Variants in BAZ1B observed in about 807,000 individuals in gnomAD.
BAZ1B encodes the protein bromodomain adjacent to zinc finger domain 1B.
In BAZ1B, 22 loss-of-function variants were observed where a neutral mutation model predicts 153.8. That is an observed-to-expected ratio of 0.14 (90% CI 0.10 to 0.20). The LOEUF (loss-of-function observed/expected upper bound fraction) is 0.20. Among genes scored for constraint, BAZ1B ranks in the 10% least tolerant of loss-of-function variants. The pLI is 1.00. For missense variants in BAZ1B, 1,325 were observed against 1,799.3 expected, an observed-to-expected ratio of 0.74 and a Z score of 4.77; for synonymous variants, 676 against 633.4, an observed-to-expected ratio of 1.07 and a Z score of -1.01.
intron 4 of BAZ1B, among the ~76,000 whole-genome samples, chr7:73,493,839 C>CAA (rs142781016): frequency 1.2e-3 from 69 of 58,234 alleles, no homozygotes; most frequent in African/African-American, 2.7e-3. Flanking sequence ...ACCCTGTCTC[C>CAA]AAAAAAAAAA....
chr7:73,521,774 C>T lies in BAZ1B; in HGVS notation c.107+53G>A, dbSNP rs1162367053. 9.0e-6 allele frequency: 13 copies of T among 1,437,478 alleles called. No homozygotes were observed. The African/African-American group carries it at 1.8e-4, about 20-fold the overall frequency. 89.0% of individuals were successfully genotyped at this position (1,437,478 alleles called of 1,614,324 possible). ...TGACCTGGTCTCGCGAGCCCCAGGC[C>T]CTACCCCGGCCCAGCCCGGCCCAGC... On this transcript the variant is annotated intron_variant, in intron 1 of 19. Coordinates refer to ENST00000339594, the MANE Select transcript of BAZ1B (RefSeq NM_032408.4).
intron 17 of BAZ1B, 47 bp from the exon 18 acceptor site, chr7:73,442,875 G>T: frequency 7.0e-7 from 1 of 1,422,194 alleles, no homozygotes; most frequent in Non-Finnish European, 9.9e-7. Context: ...AAGACAGGAG[G>T]AAGAATGGAC....
At chr7:73,452,480 T>C (rs1426630040) in intron 13 of BAZ1B, among the ~76,000 whole-genome samples, 2 of 152,044 alleles carry the variant, frequency 1.3e-5, no homozygotes, top group African/African-American at 4.8e-5. Context: ...TCCCAGCACT[T>C]TGGGAGGCCG....
chr7:73,452,819 G>A (rs1317440869), intron 13 of BAZ1B, among the ~76,000 whole-genome samples: 2 of 151,652 alleles, frequency 1.3e-5, no homozygotes, highest in African/African-American at 4.8e-5. Context: ...TATAAATACT[G>A]TAAGTCAAAC....
chr7:73,496,754 TAC>T (rs1372226967), intron 4 of BAZ1B, among the ~76,000 whole-genome samples: 1 of 152,200 alleles, frequency 6.6e-6, no homozygotes, highest in South Asian at 2.1e-4. Context: ...GGACTTAGAT[TAC>T]AGATTATGGA....
chr7:73,463,118 G>T lies in BAZ1B; in HGVS notation c.3072-19C>A. On this transcript the variant is annotated intron_variant, in intron 11 of 19. Transcript: ENST00000339594. Reference sequence around the variant, plus strand: ...CTGGTACCTAGAAGATTTGGGACAAGAGAATGGGGAAAGAAACAAACTTTT... The same window carrying T: ...CTGGTACCTAGAAGATTTGGGACAATAGAATGGGGAAAGAAACAAACTTTT... 1 of 1,572,536 alleles carries T rather than the reference G, an allele frequency of 6.4e-7. No homozygotes were observed. Among genetic ancestry groups the T allele is most frequent in the South Asian group, 1.2e-5 (1 of 85,446 alleles).
At chr7:73,472,728 C>T (rs1272265725) in intron 7 of BAZ1B, among the ~76,000 whole-genome samples, 1 of 145,154 alleles carries the variant, frequency 6.9e-6, no homozygotes, top group East Asian at 2.0e-4. Context: ...AGGCGTGTGC[C>T]ACCACAGCCA....
At chr7:73,489,170 T>C in intron 6 of BAZ1B, 24 bp downstream of exon 6, 1 of 1,607,288 alleles carries the variant, frequency 6.2e-7, no homozygotes, top group Non-Finnish European at 8.5e-7. Context: ...TATCCTGCTG[T>C]CCAAAAATTA....
chr7:73,469,969 A>G (rs1554571757), intron 8 of BAZ1B, among the ~76,000 whole-genome samples: 1 of 152,110 alleles, frequency 6.6e-6, no homozygotes, highest in Admixed American at 6.5e-5. Context: ...CAGCCTCCCA[A>G]AGTGTAGGAT....
chr7:73,463,239 C>CTT (rs11340027), intron 11 of BAZ1B, 140 bp from the exon 12 acceptor site: 908 of 464,852 alleles, frequency 2.0e-3, no homozygotes, highest in Middle Eastern at 4.8e-3. Flanking sequence ...TTTCTTTTTT[C>CTT]TTTTTTTTTT....
chr7:73,519,516 A>T (rs1002843392), intron 1 of BAZ1B, among the ~76,000 whole-genome samples: 4 of 152,190 alleles, frequency 2.6e-5, no homozygotes, highest in Admixed American at 6.6e-5. Flanking sequence ...TTGTTAAAAC[A>T]GTTTTAAATG....
intron 6 of BAZ1B, among the ~76,000 whole-genome samples, chr7:73,479,017 C>T (rs1449275236): frequency 6.6e-6 from 1 of 152,120 alleles, no homozygotes; most frequent in Non-Finnish European, 1.5e-5. Flanking sequence ...TTCATCCTTT[C>T]ACTGTTGGTT....
chr7:73,450,966 G>A lies in BAZ1B; in HGVS notation c.3461C>T (p.Thr1154Ile), dbSNP rs1788009552. The change falls in exon 14 of 20, where the codon ACA becomes ATA. Residue 1154 changes from threonine (T) to isoleucine (I), a missense_variant. Thr to Ile is a moderately conservative substitution (Grantham distance 89). This residue lies in a region of BAZ1B where 431 missense variants were observed against 563.5 expected (regional missense o/e 0.76). Coordinates refer to ENST00000339594, the MANE Select transcript of BAZ1B (RefSeq NM_032408.4). This position sits in a 1 kb window ranked among gnomAD's most constrained non-coding sequence, Gnocchi z 4.1. ...KVASALEKWKTAIREAQTFSR... is the reference protein window; with the variant it reads ...KVASALEKWKIAIREAQTFSR... Reference sequence around the variant, plus strand: ...GAAAGTCTGAGCTTCCCGGATTGCTGTCTTCCATTTCTCCAGTGCAGATGC... The same window carrying A: ...GAAAGTCTGAGCTTCCCGGATTGCTATCTTCCATTTCTCCAGTGCAGATGC... 1 of 1,614,140 alleles carries A rather than the reference G, an allele frequency of 6.2e-7. No homozygotes were observed. The highest frequency in any genetic ancestry group is 8.5e-7 in the Non-Finnish European group (1 of 1,180,036).
intron 3 of BAZ1B, among the ~76,000 whole-genome samples, chr7:73,500,252 C>G (rs568240255): frequency 5.3e-5 from 8 of 152,142 alleles, no homozygotes; most frequent in Non-Finnish European, 1.0e-4. Flanking sequence ...AAAACAAAAA[C>G]ACTGGCCAGG....
intron 11 of BAZ1B, 138 bp from the exon 12 acceptor site, chr7:73,463,237 T>TTA: frequency 6.2e-6 from 5 of 811,748 alleles, no homozygotes; most frequent in Non-Finnish European, 9.3e-6. Context: ...TTTTTCTTTT[T>TTA]TCTTTTTTTT....
chr7:73,513,156 T>C (rs1436452044), intron 1 of BAZ1B, among the ~76,000 whole-genome samples: 3 of 152,156 alleles, frequency 2.0e-5, no homozygotes, highest in Non-Finnish European at 4.4e-5. Flanking sequence ...TCTCACCACA[T>C]TGCCCAGGTT....
At chr7:73,497,551 A>G (rs1261794141) in intron 4 of BAZ1B, among the ~76,000 whole-genome samples, 1 of 152,158 alleles carries the variant, frequency 6.6e-6, no homozygotes, top group Admixed American at 6.6e-5. Context: ...TATTTTATGC[A>G]TTTATGACAT....
chr7:73,498,753 G>A, intron 3 of BAZ1B, 55 bp from the exon 4 acceptor site: 1 of 1,503,532 alleles, frequency 6.7e-7, no homozygotes, highest in Non-Finnish European at 9.2e-7. Context: ...GAAACCTGAA[G>A]ATGTTTAGAA....
At chr7:73,488,148 G>A (rs1253541426) in intron 6 of BAZ1B, among the ~76,000 whole-genome samples, 1 of 152,114 alleles carries the variant, frequency 6.6e-6, no homozygotes, top group Non-Finnish European at 1.5e-5. Context: ...GTTCTACGCT[G>A]GCCCAGAGAC....
Sources: gnomAD v4.1 joint callset for allele counts (sites outside exome capture counted in the v4.1 genomes callset) on GRCh38, gnomAD v4.1.1 for gene constraint, gnomAD v4.1.1 regional missense constraint, Gnocchi (gnomAD v3.1) non-coding constraint, MANE v1.5 for transcripts, NCBI Gene and HGNC (gene_info 2026-07-23, HGNC 2026-07-21) for gene names.